INPP5A: variants seen among roughly 807,000 people sequenced by gnomAD.
INPP5A encodes the protein inositol polyphosphate-5-phosphatase A, also known as 43 kDa inositol polyphosphate 5-phophatase.
In INPP5A, 14 loss-of-function variants were observed where a neutral mutation model predicts 65.2. The observed-to-expected ratio is 0.21, with a 90% confidence interval of 0.14 to 0.34. The LOEUF (loss-of-function observed/expected upper bound fraction) is 0.34. INPP5A is among the 10% of genes least tolerant of loss of function. INPP5A has a pLI of 1.00. For synonymous variants in INPP5A, 207 were observed against 208.3 expected, an observed-to-expected ratio of 0.99 and a Z score of 0.05; for missense variants, 431 against 545.6, an observed-to-expected ratio of 0.79 and a Z score of 2.09.
chr10:132,635,444 G>GCAACA, intron 2 of INPP5A, among the ~76,000 whole-genome samples: 1 of 109,448 alleles, frequency 9.1e-6, no homozygotes, highest in Admixed American at 1.4e-4. Flanking sequence ...TGCCCAGGCT[G>GCAACA]GAGTGCAGTG....
At chr10:132,680,017 C>T (rs972005578) in intron 4 of INPP5A, among the ~76,000 whole-genome samples, 1 of 152,174 alleles carries the variant, frequency 6.6e-6, no homozygotes, top group Non-Finnish European at 1.5e-5. Context: ...AAACATGGGC[C>T]AGAACCTTCA....
chr10:132,662,558 G>T (rs1056323815), intron 4 of INPP5A, among the ~76,000 whole-genome samples: 2 of 152,224 alleles, frequency 1.3e-5, no homozygotes, highest in Non-Finnish European at 2.9e-5. Context: ...AGTCTGTAAT[G>T]ACAGAACACA....
chr10:132,672,607 T>C (rs557907503), intron 4 of INPP5A, among the ~76,000 whole-genome samples: 7 of 152,228 alleles, frequency 4.6e-5, no homozygotes, highest in Non-Finnish European at 8.8e-5. Context: ...CATGTGGAAC[T>C]GTAAGTCCAT....
chr10:132,704,805 T>C lies in INPP5A; in HGVS notation c.475-3508T>C, dbSNP rs900176119. On this transcript the variant is annotated intron_variant, in intron 6 of 15. Transcript: ENST00000368594. The surrounding 1 kb of genome is among the most constrained non-coding windows in gnomAD (Gnocchi z 4.5). ...GAGTGTGGAGGATGGAGGAAGGGCG[T>C]CTGGACAGGCGGCAGGCAGCTCCTC... Among the ~76,000 whole-genome samples the C allele has an allele frequency of 2.0e-5, 3 of 150,574 alleles. No individual in the cohort carries two copies. The highest frequency in any genetic ancestry group is 3.0e-5 in the Non-Finnish European group (2 of 67,682).
chr10:132,642,386 T>C (rs2072437428), intron 2 of INPP5A, among the ~76,000 whole-genome samples: 1 of 152,218 alleles, frequency 6.6e-6, no homozygotes. Context: ...CAGGGCTGTG[T>C]CTCACTGTGC....
rs1389430998 is a variant in INPP5A, at chr10:132,741,182, G to C, written c.733-8335G>C. On this transcript the variant is annotated intron_variant, in intron 9 of 15. Transcript: ENST00000368594. The surrounding 1 kb of genome is among the most constrained non-coding windows in gnomAD (Gnocchi z 4.4). ...CGGAGGTCGAGGCTGCAGTGAGCCA[G>C]CCATGATCACATCACTGCACTCCAT... is the stretch of plus-strand genomic sequence containing the variant. Among the ~76,000 whole-genome samples, 2 of 152,202 alleles carry C rather than the reference G, an allele frequency of 1.3e-5. No individual in the cohort carries two copies. The highest frequency in any genetic ancestry group is 2.4e-5 in the African/African-American group (1 of 41,446).
intron 1 of INPP5A, among the ~76,000 whole-genome samples, chr10:132,572,334 C>T (rs1342280416): frequency 1.3e-5 from 2 of 152,162 alleles, no homozygotes; most frequent in African/African-American, 4.8e-5. Flanking sequence ...GGTGTGGGGC[C>T]CCTCACCTGG....
intron 1 of INPP5A, among the ~76,000 whole-genome samples, chr10:132,573,438 G>A (rs570149889): frequency 3.5e-5 from 4 of 114,388 alleles, no homozygotes; most frequent in South Asian, 3.5e-4. Flanking sequence ...ATGTTGGGGT[G>A]TACGTGCCGT....
At chr10:132,657,069 G>A (rs1231271372) in intron 4 of INPP5A, among the ~76,000 whole-genome samples, 1 of 152,224 alleles carries the variant, frequency 6.6e-6, no homozygotes, top group South Asian at 2.1e-4. Flanking sequence ...AGACCTCCGT[G>A]TGGAGTAGCC....
Position 132,780,901 on chromosome 10 carries a change from G to T in INPP5A, c.1142G>T (p.Cys381Phe), listed in dbSNP as rs1212126269. 2 of 1,608,512 alleles carry T rather than the reference G, an allele frequency of 1.2e-6. No homozygotes were observed. The highest frequency in any genetic ancestry group is 2.7e-5 in the African/African-American group (2 of 74,626). Residue 381 changes from cysteine (C) to phenylalanine (F), a missense_variant, in exon 14 of 16, where the codon TGC (cysteine) becomes TTC (phenylalanine). By Grantham distance (205) the Cys-to-Phe change is radical. Transcript: ENST00000368594. ...VTYDHIGPNV[C>F]MGDHKPVFLA... ...TATGACCACATTGGGCCCAACGTCT[G>T]CATGGGAGACCACAAGGTGACATAG...
chr10:132,584,622 T>TA (rs2071525535), intron 1 of INPP5A, among the ~76,000 whole-genome samples: 1 of 152,226 alleles, frequency 6.6e-6, no homozygotes, highest in Non-Finnish European at 1.5e-5. Flanking sequence ...TGATTCCTGA[T>TA]AGTGGTAATT....
chr10:132,588,850 G>A (rs1187315485), intron 1 of INPP5A, among the ~76,000 whole-genome samples: 1 of 151,830 alleles, frequency 6.6e-6, no homozygotes, highest in Non-Finnish European at 1.5e-5. Flanking sequence ...GGAGTGTGGG[G>A]TGTGGTCCCG....
intron 8 of INPP5A, among the ~76,000 whole-genome samples, chr10:132,719,749 G>A (rs1437505601): frequency 6.6e-6 from 1 of 151,100 alleles, no homozygotes; most frequent in Admixed American, 6.6e-5. Context: ...GGGTTCTGTG[G>A]TACCTGGGTT....
chr10:132,758,973 C>T (rs570579326), intron 11 of INPP5A, among the ~76,000 whole-genome samples: 24 of 152,358 alleles, frequency 1.6e-4, no homozygotes, highest in African/African-American at 5.0e-4. Context: ...ATCACGTTTC[C>T]CTGTCAATGC....
At chr10:132,679,391 G>A (rs897537052) in intron 4 of INPP5A, among the ~76,000 whole-genome samples, 3 of 152,160 alleles carry the variant, frequency 2.0e-5, no homozygotes, top group East Asian at 1.9e-4. Flanking sequence ...CTGTGCAGCC[G>A]CCGGGCCAGG....
intron 11 of INPP5A, among the ~76,000 whole-genome samples, chr10:132,764,619 C>T (rs1239000663): frequency 1.4e-5 from 2 of 140,704 alleles, no homozygotes; most frequent in Non-Finnish European, 3.0e-5. Flanking sequence ...TGCGTGGTTA[C>T]ACTCAGGAAC....
At chr10:132,630,123 G>A (rs1348026016) in intron 2 of INPP5A, among the ~76,000 whole-genome samples, 2 of 152,162 alleles carry the variant, frequency 1.3e-5, no homozygotes, top group African/African-American at 2.4e-5. Context: ...AGGGGATGAT[G>A]TCCTCCAGGA....
rs565385954 is a variant in INPP5A, at chr10:132,622,921, C to T, written c.117+14965C>T. Among the ~76,000 whole-genome samples, 16 of 148,712 alleles carry T rather than the reference C, an allele frequency of 1.1e-4. 1 individual carries two copies. Among genetic ancestry groups the T allele is most frequent in the Admixed American group, 8.0e-4 (12 of 15,038 alleles). On this transcript the variant is annotated intron_variant, in intron 2 of 15. Transcript: ENST00000368594. ...GTTCGTGGATTGGAAGACTCAGTTA[C>T]GCTGACGTGTTAGAACTTGAGAAAT...
rs1273972876 is a variant in INPP5A at position 132,777,961 on chromosome 10, C to A, written c.1089+179C>A. The A allele has an allele frequency of 2.8e-6, 4 of 1,423,388 alleles. No individual in the cohort carries two copies. The East Asian group carries it at 1.0e-4, about 36-fold the overall frequency. The allele number at this position is 1,423,388 out of a possible 1,614,324, so 88.2% of individuals were successfully genotyped here. On this transcript the variant is annotated intron_variant, in intron 13 of 15. Coordinates refer to ENST00000368594, the MANE Select transcript of INPP5A (RefSeq NM_005539.5). ...ACCCCAGCATTGGGTCACCTCTGAG[C>A]CAGCACCTGGGCTGGGGCAGCAGCA...
Sources: allele counts gnomAD v4.1 joint callset (sites outside exome capture counted in the v4.1 genomes callset), GRCh38; gene constraint gnomAD v4.1.1; non-coding constraint Gnocchi (gnomAD v3.1); transcripts MANE v1.5; gene names NCBI Gene and HGNC (gene_info 2026-07-23, HGNC 2026-07-21).